Variants in A1CF observed in about 807,000 individuals in gnomAD.
A1CF encodes the protein APOBEC1 complementation factor.
Under a neutral mutation model 68.9 loss-of-function variants are expected in A1CF, and 48 were observed. The observed-to-expected ratio is 0.70, with a 90% CI of 0.55 to 0.89. The LOEUF is 0.89. A1CF is among the 40% of genes least tolerant of loss of function. The pLI is 0.00. For synonymous variants in A1CF, 272 were observed against 260.4 expected, an observed-to-expected ratio of 1.04 and a Z score of -0.43; for missense variants, 653 against 718.9, an observed-to-expected ratio of 0.91 and a Z score of 1.05.
chr10:50,849,211 T>C (rs1331487309), intron 3 of A1CF, among the ~76,000 whole-genome samples: 1 of 152,218 alleles, frequency 6.6e-6, no homozygotes, highest in Non-Finnish European at 1.5e-5. Context: ...CTGCAGGGAA[T>C]ATTCATTTCT....
intron 3 of A1CF, among the ~76,000 whole-genome samples, chr10:50,849,946 A>G (rs1840163850): frequency 6.6e-6 from 1 of 152,032 alleles, no homozygotes; most frequent in African/African-American, 2.4e-5. Flanking sequence ...GGCGCCTGCA[A>G]CCATGCCTGG....
intron 1 of A1CF, among the ~76,000 whole-genome samples, chr10:50,870,668 G>A (rs1305510416): frequency 2.6e-5 from 4 of 151,656 alleles, no homozygotes; most frequent in Non-Finnish European, 5.9e-5. Context: ...AGATCCAGAT[G>A]GTTTTATTAG....
At chr10:50,846,684 TA>T (rs775185329) in intron 3 of A1CF, among the ~76,000 whole-genome samples, 1 of 152,260 alleles carries the variant, frequency 6.6e-6, no homozygotes, top group Non-Finnish European at 1.5e-5. Flanking sequence ...TTGATTGCTA[TA>T]ATTGCTAAAA....
At chr10:50,853,803 TAA>T (rs1328338732) in intron 3 of A1CF, among the ~76,000 whole-genome samples, 3 of 147,730 alleles carry the variant, frequency 2.0e-5, no homozygotes, top group Admixed American at 6.7e-5. Context: ...GGCTTTTTTT[TAA>T]AAAAAATGCT....
intron 1 of A1CF, among the ~76,000 whole-genome samples, chr10:50,870,062 A>G (rs1210877180): frequency 6.6e-6 from 1 of 151,832 alleles, no homozygotes; most frequent in East Asian, 1.9e-4. Flanking sequence ...TTGAGGGTAC[A>G]TGTGATAATT....
intron 3 of A1CF, among the ~76,000 whole-genome samples, chr10:50,849,658 T>C (rs996459983): frequency 2.0e-5 from 3 of 152,214 alleles, no homozygotes; most frequent in East Asian, 1.9e-4. Flanking sequence ...TTAATAATTA[T>C]GCATTTATTT....
At chr10:50,865,458 A>G (rs975813098) in intron 1 of A1CF, among the ~76,000 whole-genome samples, 2 of 152,218 alleles carry the variant, frequency 1.3e-5, no homozygotes, top group Non-Finnish European at 2.9e-5. Flanking sequence ...TCCAATAAAT[A>G]TTAGCTATTA....
rs151246598 is a variant in A1CF at position 50,845,953 on chromosome 10, CAAA to C, written c.100-1834_100-1832del. 2.6e-4 allele frequency among the ~76,000 whole-genome samples: 30 copies of C among 113,232 alleles called. No individual in the cohort carries two copies. In the East Asian group the frequency reaches 3.5e-3, roughly 13 times the overall value. 74.3% of individuals were successfully genotyped at this position (113,232 alleles called of 152,430 possible). On this transcript the variant is annotated intron_variant, in intron 3 of 12. Coordinates refer to ENST00000373997, the MANE Select transcript of A1CF (RefSeq NM_014576.4). ...TGGGTGATAGAGCAAGACTCTGTCT[CAAA>C]AAAAAAAAAAAAACTCCTTATTTAT...
chr10:50,823,892 A>G (rs1375576652), intron 7 of A1CF: 2 of 152,162 alleles, frequency 1.3e-5, no homozygotes, highest in Non-Finnish European at 2.9e-5. Context: ...TGAGGGACCT[A>G]AACTTTAAAT....
intron 1 of A1CF, among the ~76,000 whole-genome samples, chr10:50,868,866 C>A (rs1009636509): frequency 6.6e-6 from 1 of 152,076 alleles, no homozygotes. Flanking sequence ...AATTGTGGAA[C>A]CTGCTGCAGA....
intron 2 of A1CF, among the ~76,000 whole-genome samples, chr10:50,861,123 A>G (rs1046617688): frequency 6.6e-6 from 1 of 152,196 alleles, no homozygotes; most frequent in Non-Finnish European, 1.5e-5. Context: ...CACCATTAAT[A>G]ATATAAGAAA....
At chr10:50,872,387 T>A (rs1247011680) in intron 1 of A1CF, among the ~76,000 whole-genome samples, 1 of 152,178 alleles carries the variant, frequency 6.6e-6, no homozygotes, top group Admixed American at 6.6e-5. Context: ...AGAGAGAGGC[T>A]AAAGTGCCCA....
chr10:50,841,353 T>A (rs1839768036), intron 5 of A1CF, among the ~76,000 whole-genome samples: 3 of 152,326 alleles, frequency 2.0e-5, no homozygotes, highest in Admixed American at 2.0e-4. Context: ...ATACTTGATG[T>A]TCTCTCCTTT....
chr10:50,814,720 G>A (rs1838285506), intron 9 of A1CF, among the ~76,000 whole-genome samples: 1 of 152,102 alleles, frequency 6.6e-6, no homozygotes, highest in Admixed American at 6.6e-5. Context: ...CTTCATCCAT[G>A]AATATCATTC....
At chr10:50,818,493 T>A (rs1280472005) in intron 8 of A1CF, among the ~76,000 whole-genome samples, 1 of 151,916 alleles carries the variant, frequency 6.6e-6, no homozygotes, top group African/African-American at 2.4e-5. Context: ...GGAATTTGAA[T>A]ATGTTTCAAT....
chr10:50,842,516 T>C (rs1839828000), intron 4 of A1CF, among the ~76,000 whole-genome samples: 1 of 151,856 alleles, frequency 6.6e-6, no homozygotes, highest in African/African-American at 2.4e-5. Context: ...AAGGCGGAGG[T>C]GGGAGAATTG....
chr10:50,818,408 T>A lies in A1CF; in HGVS notation c.868-2129A>T, dbSNP rs936694307. Among the ~76,000 whole-genome samples the A allele has an allele frequency of 9.9e-5, 15 of 151,972 alleles. No individual in the cohort carries two copies. The South Asian group carries it at 2.3e-3, about 23-fold the overall frequency. ...TTTTCCATACCACATTATAGTCAAA[T>A]ATAATATTAAATATATATTTAACTA... On this transcript the variant is annotated intron_variant, in intron 8 of 12. Transcript: ENST00000373997.
intron 1 of A1CF, among the ~76,000 whole-genome samples, chr10:50,878,706 A>G (rs1405905077): frequency 6.6e-6 from 1 of 152,212 alleles, no homozygotes; most frequent in Non-Finnish European, 1.5e-5. Flanking sequence ...AAGAGTTTCC[A>G]GGCATTATAG....
chr10:50,836,669 C>T (rs1357053934), intron 5 of A1CF, among the ~76,000 whole-genome samples: 1 of 147,462 alleles, frequency 6.8e-6, no homozygotes, highest in Non-Finnish European at 1.5e-5. Context: ...AGGTATATCT[C>T]CTAATGCTAT....
Sources: gnomAD v4.1 joint callset for allele counts (sites outside exome capture counted in the v4.1 genomes callset) on GRCh38, gnomAD v4.1.1 for gene constraint, MANE v1.5 for transcripts, NCBI Gene and HGNC (gene_info 2026-07-23, HGNC 2026-07-21) for gene names.